PSMD12: variants seen among roughly 807,000 people sequenced by gnomAD.
PSMD12 encodes the protein 26S proteasome non-ATPase regulatory subunit 12.
In PSMD12, 8 loss-of-function variants were observed where a neutral mutation model predicts 62.9. That is an observed-to-expected ratio of 0.13 (90% CI 0.07 to 0.23). The LOEUF is 0.23. PSMD12 is among the 10% of genes least tolerant of loss of function. The pLI is 1.00. For missense variants in PSMD12, 424 were observed against 550.2 expected, an observed-to-expected ratio of 0.77 and a Z score of 2.29; for synonymous variants, 173 against 187.4, an observed-to-expected ratio of 0.92 and a Z score of 0.63.
chr17:67,349,728 T>C (rs1365384620), intron 4 of PSMD12, among the ~76,000 whole-genome samples: 2 of 152,232 alleles, frequency 1.3e-5, no homozygotes, highest in Non-Finnish European at 2.9e-5. Flanking sequence ...GTAATGTTAG[T>C]AGATTTATAA....
chr17:67,350,131 A>G, intron 4 of PSMD12, 98 bp downstream of exon 4: 1 of 716,486 alleles, frequency 1.4e-6, no homozygotes, highest in Non-Finnish European at 2.1e-6. Flanking sequence ...TTTAAAAAAT[A>G]AACATAAAAA....
intron 4 of PSMD12, among the ~76,000 whole-genome samples, chr17:67,348,939 T>C (rs2041993583): frequency 6.6e-6 from 1 of 152,146 alleles, no homozygotes; most frequent in Non-Finnish European, 1.5e-5. Context: ...AAGGCTACAG[T>C]GAGCCATGAT....
At chr17:67,357,675 A>C (rs1598574330) in intron 1 of PSMD12, 97 bp from the exon 2 acceptor site, 5 of 1,233,880 alleles carry the variant, frequency 4.1e-6, no homozygotes. Context: ...GGAAAAATCA[A>C]CAGCCTCTTC....
rs934535148 is a variant in PSMD12 at position 67,340,600 on chromosome 17, G to A, written c.*243C>T. ...TCAAATGATAGAAAAACATATCTGG[G>A]TAAGTTATGACACAACTTTTTGTGT... On this transcript the variant is annotated 3_prime_UTR_variant, in exon 11 of 11. Coordinates refer to ENST00000356126, the MANE Select transcript of PSMD12 (RefSeq NM_002816.5). The A allele has an allele frequency of 1.9e-5, 7 of 371,236 alleles. No homozygotes were observed. The highest frequency in any genetic ancestry group is 1.1e-4 in the African/African-American group (5 of 47,462). 23.0% of individuals were successfully genotyped at this position (371,236 alleles called of 1,614,324 possible).
intron 1 of PSMD12, among the ~76,000 whole-genome samples, chr17:67,358,330 G>T (rs894685767): frequency 1.1e-4 from 16 of 152,038 alleles, no homozygotes; most frequent in Non-Finnish European, 1.9e-4. Flanking sequence ...CATTTTAGGA[G>T]ACCGAAGGGG....
At chr17:67,357,703 C>A in intron 1 of PSMD12, 125 bp from the exon 2 acceptor site, 2 of 902,480 alleles carry the variant, frequency 2.2e-6, no homozygotes, top group Non-Finnish European at 3.4e-6. Flanking sequence ...AAAGGACTAC[C>A]CATAACTAGT....
chr17:67,366,286 C>T, intron 1 of PSMD12, 126 bp downstream of exon 1: 1 of 920,384 alleles, frequency 1.1e-6, no homozygotes, highest in Non-Finnish European at 1.6e-6. Context: ...TCGTGCAGGC[C>T]CAACTAGGGC....
chr17:67,362,364 C>T (rs926372257), intron 1 of PSMD12, among the ~76,000 whole-genome samples: 1 of 152,164 alleles, frequency 6.6e-6, no homozygotes, highest in Non-Finnish European at 1.5e-5. Flanking sequence ...ATCACAGAGG[C>T]GGTAGAATGG....
At chr17:67,362,170 C>G (rs1404108817) in intron 1 of PSMD12, among the ~76,000 whole-genome samples, 1 of 152,112 alleles carries the variant, frequency 6.6e-6, no homozygotes, top group Non-Finnish European at 1.5e-5. Context: ...ACAACATAAT[C>G]AAAAAGAGAG....
At chr17:67,346,164 G>A (rs963360136) in intron 7 of PSMD12, among the ~76,000 whole-genome samples, 7 of 152,190 alleles carry the variant, frequency 4.6e-5, no homozygotes, top group East Asian at 3.9e-4. Context: ...AGGCCCAGGC[G>A]GGCGGATCAC....
At chr17:67,357,185 C>A in intron 3 of PSMD12, 118 bp downstream of exon 3, 2 of 1,130,098 alleles carry the variant, frequency 1.8e-6, no homozygotes, top group South Asian at 1.9e-5. Context: ...TTTAAAACAC[C>A]CTCTAGGATG....
intron 9 of PSMD12, 138 bp from the exon 10 acceptor site, chr17:67,342,401 G>T: frequency 1.7e-6 from 1 of 581,490 alleles, no homozygotes; most frequent in Non-Finnish European, 3.0e-6. Context: ...CATCACTGGA[G>T]CAAAGCTAGT....
At chr17:67,354,320 G>C (rs1043838684) in intron 3 of PSMD12, among the ~76,000 whole-genome samples, 1 of 151,996 alleles carries the variant, frequency 6.6e-6, no homozygotes, top group African/African-American at 2.4e-5. Flanking sequence ...CTGATGGGGA[G>C]GACTGCTTGA....
In PSMD12 at chr17:67,342,174, A is replaced by T; in HGVS notation, c.1161+12T>A. ...AATGCCTACAAATAACTCAAAGTTG[A>T]TTACTACTTACATCAACAGATAGAT... On this transcript the variant is annotated intron_variant, in intron 10 of 10. Coordinates refer to ENST00000356126, the MANE Select transcript of PSMD12 (RefSeq NM_002816.5). 6.5e-7 allele frequency: 1 copy of T among 1,536,522 alleles called. No homozygotes were observed. Among genetic ancestry groups the T allele is most frequent in the Middle Eastern group, 1.7e-4 (1 of 5,822 alleles).
intron 3 of PSMD12, among the ~76,000 whole-genome samples, chr17:67,356,557 C>CAAAAAAAAAAAAAAAAAAAA (rs35353017): frequency 1.3e-4 from 2 of 14,996 alleles, no homozygotes; most frequent in Non-Finnish European, 3.4e-4. Flanking sequence ...GACTCCGTCT[C>CAAAAAAAAAAAAAAAAAAAA]AAAAAAAAAA....
chr17:67,360,183 C>T (rs1325158321), intron 1 of PSMD12, among the ~76,000 whole-genome samples: 1 of 152,134 alleles, frequency 6.6e-6, no homozygotes, highest in Admixed American at 6.6e-5. Flanking sequence ...AGTTAAAATG[C>T]AAAATACTAT....
intron 1 of PSMD12, among the ~76,000 whole-genome samples, chr17:67,364,062 A>T (rs1598582745): frequency 6.6e-6 from 1 of 152,016 alleles, no homozygotes; most frequent in Admixed American, 6.6e-5. Context: ...AACAAAAAAT[A>T]AAAAAAATAA....
At chr17:67,363,151 T>C (rs1415473405) in intron 1 of PSMD12, among the ~76,000 whole-genome samples, 2 of 152,086 alleles carry the variant, frequency 1.3e-5, no homozygotes, top group Non-Finnish European at 2.9e-5. Context: ...AGTCTCTATA[T>C]ACAACTTTTT....
Position 67,366,495 on chromosome 17 carries a change from C to A in PSMD12, c.25G>T (p.Ala9Ser), listed in dbSNP as rs749640431. 6.2e-7 allele frequency: 1 copy of A among 1,608,930 alleles called. No individual in the cohort carries two copies. Among genetic ancestry groups the A allele is most frequent in the Non-Finnish European group, 8.5e-7 (1 of 1,178,698 alleles). Residue 9 changes from alanine to serine, a missense_variant, in exon 1 of 11, where the codon GCT becomes TCT. Transcript: ENST00000356126. MADGGSER[A>S]DGRIVKMEVD... The stretch of plus-strand genomic sequence containing the variant: ...TCCATCTTGACGATGCGCCCGTCAG[C>A]CCGCTCCGAGCCGCCGTCCGCCATG...
Sources: gnomAD v4.1 joint callset for allele counts (sites outside exome capture counted in the v4.1 genomes callset) on GRCh38, gnomAD v4.1.1 for gene constraint, MANE v1.5 for transcripts, NCBI Gene and HGNC (gene_info 2026-07-23, HGNC 2026-07-21) for gene names.